The following CPLANE1 variants were observed in gnomAD, a reference collection of about 807,000 sequenced individuals.
The protein encoded by CPLANE1 is ciliogenesis and planar polarity effector complex subunit 1, also known as ciliogenesis and planar polarity effector 1.
A neutral mutation model predicts 362.5 loss-of-function variants in CPLANE1; 263 were observed. The ratio of observed to expected loss-of-function variants is 0.73; its 90% CI spans 0.66 to 0.80. CPLANE1 has a LOEUF of 0.80. Among genes scored for constraint, CPLANE1 ranks in the 30% least tolerant of loss-of-function variants. The pLI, the probability that CPLANE1 is intolerant of heterozygous loss-of-function variation, is 0.00. For synonymous variants in CPLANE1, 1,212 were observed against 1,302.6 expected (o/e 0.93, Z 1.50); for missense variants, 3,461 against 3,793.4 (o/e 0.91, Z 2.30).
intron 40 of CPLANE1, 117 bp downstream of exon 40, chr5:37,157,553 A>C: frequency 8.9e-7 from 1 of 1,121,580 alleles, no homozygotes; most frequent in Admixed American, 2.0e-5. Context: ...GTGCATGTAA[A>C]CATCCAAAAA....
intron 32 of CPLANE1, among the ~76,000 whole-genome samples, chr5:37,171,745 ACTCT>A (rs56407367): frequency 0.075 from 9,650 of 128,232 alleles, 676 homozygotes; most frequent in African/African-American, 0.21. Flanking sequence ...TCTCTAGCTT[ACTCT>A]CTCTCTCTCT....
Position 37,185,076 on chromosome 5 carries a change from G to A in CPLANE1, c.4193C>T (p.Pro1398Leu), listed in dbSNP as rs1478531273. 8 of 1,594,416 alleles carry A rather than the reference G, an allele frequency of 5.0e-6. No individual in the cohort carries two copies. The highest frequency in any genetic ancestry group is 6.8e-6 in the Non-Finnish European group (8 of 1,174,178). Reference sequence around the variant, plus strand: ...AACAGACATCATTTCCTCAGTCTGGGGTCCTGGAAAGAAAAGAATAAAAAG... The same window carrying A: ...AACAGACATCATTTCCTCAGTCTGGAGTCCTGGAAAGAAAAGAATAAAAAG... ...QRLRHCVVKG[P>L]QTEEMMSVVM... Residue 1398 changes from proline (P) to leucine (L), a missense_variant, in exon 25 of 53, where the codon CCC becomes CTC. Around this residue, in one of 2 missense-constraint regions of CPLANE1, gnomAD observed 3,380 missense variants for 3,666.1 expected, o/e 0.92. Coordinates refer to ENST00000651892, the MANE Select transcript of CPLANE1 (RefSeq NM_001384732.1).
Position 37,210,924 on chromosome 5 carries a change from T to C in CPLANE1, c.2920+2635A>G, listed in dbSNP as rs576311232. ...AGATGAAATTGAGCATACTACACAGTTGAAGGCCCAGATACTAGGTTACAA... is the reference window on the plus strand; with the variant it reads ...AGATGAAATTGAGCATACTACACAGCTGAAGGCCCAGATACTAGGTTACAA... On this transcript the variant is annotated intron_variant, in intron 16 of 52. Transcript: ENST00000651892. 80 of 780,442 alleles carry C rather than the reference T, an allele frequency of 1.0e-4. No homozygotes were observed. In the East Asian group the frequency reaches 1.8e-3, roughly 18 times the overall value. The allele number at this position is 780,442 out of a possible 1,614,324, so 48.3% of individuals were successfully genotyped here. A position where few individuals can be genotyped will look rare whatever the true frequency, so the allele number is the denominator to read the frequency against.
intron 46 of CPLANE1, among the ~76,000 whole-genome samples, chr5:37,137,852 G>A (rs1181428977): frequency 6.6e-6 from 1 of 151,676 alleles, no homozygotes; most frequent in African/African-American, 2.4e-5. Context: ...GGAATTATGG[G>A]AACTACAATT....
At chr5:37,125,800 T>C (rs1385644607) in intron 46 of CPLANE1, among the ~76,000 whole-genome samples, 1 of 152,200 alleles carries the variant, frequency 6.6e-6, no homozygotes, top group Non-Finnish European at 1.5e-5. Context: ...TGTGGGTACA[T>C]AGTAGATGTA....
rs541921016 is a variant in CPLANE1 at position 37,153,750 on chromosome 5, T to C, written c.8363A>G (p.His2788Arg). The C allele has an allele frequency of 3.1e-6, 5 of 1,611,482 alleles. No individual in the cohort carries two copies. Among genetic ancestry groups the C allele is most frequent in the Non-Finnish European group, 4.2e-6 (5 of 1,177,760 alleles). ...ATAAAGGTAGTCTACCTTATCACAA[T>C]GTAGATCTAGCATTTCAGGCTTGGG... ...DFPKPEMLDL[H>R]CDKIGPVDHI... Residue 2788 changes from histidine (H) to arginine (R), a missense_variant, in exon 42 of 53, where the codon CAT (histidine) becomes CGT (arginine). Coordinates refer to ENST00000651892, the MANE Select transcript of CPLANE1 (RefSeq NM_001384732.1).
chr5:37,227,873 C>T (rs1796794876), intron 9 of CPLANE1, 56 bp from the exon 10 acceptor site: 3 of 1,440,194 alleles, frequency 2.1e-6, no homozygotes, highest in Non-Finnish European at 2.8e-6. Context: ...TTACGGAAAA[C>T]AATAATGTTT....
intron 2 of CPLANE1, chr5:37,246,061 C>T: frequency 3.0e-6 from 1 of 331,262 alleles, no homozygotes; most frequent in East Asian, 4.9e-5. Context: ...GTAAGGCTAC[C>T]TAGTAGTTGT....
At chr5:37,125,015 TGGGGGACAAGAAA>T in intron 47 of CPLANE1, 1 of 1,290,786 alleles carries the variant, frequency 7.7e-7, no homozygotes, top group Non-Finnish European at 9.8e-7. Flanking sequence ...ATCATTAGCC[TGGGGGACAAGAAA>T]ATATTTAAGA....
At chr5:37,222,010 G>C (rs936258325) in intron 14 of CPLANE1, among the ~76,000 whole-genome samples, 1 of 151,782 alleles carries the variant, frequency 6.6e-6, no homozygotes, top group African/African-American at 2.4e-5. Flanking sequence ...TATATCAAAG[G>C]GATGGCCAAA....
chr5:37,131,308 G>C (rs1765718308), intron 46 of CPLANE1, among the ~76,000 whole-genome samples: 1 of 152,112 alleles, frequency 6.6e-6, no homozygotes, highest in Non-Finnish European at 1.5e-5. Context: ...TGAACTCAGT[G>C]ATTCCCTCTG....
At chr5:37,220,814 C>T (rs941807304) in intron 15 of CPLANE1, among the ~76,000 whole-genome samples, 3 of 152,140 alleles carry the variant, frequency 2.0e-5, no homozygotes, top group Admixed American at 1.3e-4. Context: ...CCACTGTGCC[C>T]GGCCCAGATT....
intron 41 of CPLANE1, among the ~76,000 whole-genome samples, chr5:37,155,976 G>A (rs1280902164): frequency 6.6e-6 from 1 of 152,138 alleles, no homozygotes; most frequent in Non-Finnish European, 1.5e-5. Context: ...ATGCATCTTA[G>A]CAGCCCCATG....
In CPLANE1 at chr5:37,157,338, T is replaced by C. The variant is rs776137500; in HGVS notation, c.8094A>G (p.Thr2698=). 1 of 1,378,200 alleles carries C rather than the reference T, an allele frequency of 7.3e-7. No individual in the cohort carries two copies. Among genetic ancestry groups the C allele is most frequent in the Non-Finnish European group, 9.6e-7 (1 of 1,039,214 alleles). The allele number at this position is 1,378,200 out of a possible 1,614,324, so 85.4% of individuals were successfully genotyped here. The change falls in exon 41 of 53, where the codon ACA becomes ACG. Residue 2698 remains threonine (T), a synonymous_variant. Transcript: ENST00000651892. Reference sequence around the variant, plus strand: ...CTTTGTTCTGCTGTATGTCTGATGGTGTAGGTGAGGTGACACTAGGCTCCT... The same window carrying C: ...CTTTGTTCTGCTGTATGTCTGATGGCGTAGGTGAGGTGACACTAGGCTCCT... ...EVKEPSVTSP[T]PSDIQQNKGL... is the part of the protein sequence containing the mutation.
chr5:37,076,793 T>C, the CPLANE1 span, among the ~76,000 whole-genome samples: 2 of 150,200 alleles, frequency 1.3e-5, no homozygotes, highest in African/African-American at 4.9e-5. Context: ...CTATTTAATT[T>C]GGATTTTCCC....
chr5:37,149,560 A>G (rs184294284), intron 42 of CPLANE1, among the ~76,000 whole-genome samples: 2 of 152,302 alleles, frequency 1.3e-5, no homozygotes, highest in African/African-American at 2.4e-5. Flanking sequence ...CCGACTGTAT[A>G]CTATGTTTTT....
At chr5:37,132,047 T>G (rs1050821235) in intron 46 of CPLANE1, among the ~76,000 whole-genome samples, 1 of 152,162 alleles carries the variant, frequency 6.6e-6, no homozygotes, top group Non-Finnish European at 1.5e-5. Flanking sequence ...GGTAACTAAA[T>G]GCATTAGTTT....
chr5:37,244,450 T>C lies in CPLANE1; in HGVS notation c.495A>G (p.Ile165Met). 1 of 1,551,642 alleles carries C rather than the reference T, an allele frequency of 6.4e-7. No homozygotes were observed. Among genetic ancestry groups the C allele is most frequent in the South Asian group, 1.2e-5 (1 of 84,042 alleles). The change falls in exon 5 of 53, where the codon ATA (isoleucine) becomes ATG (methionine). Residue 165 changes from isoleucine (I) to methionine (M), a missense_variant. By Grantham distance (10) the Ile-to-Met change is conservative (BLOSUM62 1). This residue lies in a region of CPLANE1 where 3,380 missense variants were observed against 3,666.1 expected (regional missense o/e 0.92). Transcript: ENST00000651892. ...LSLAGRWSQVIPEEAVLLPST... is the reference protein window; with the variant it reads ...LSLAGRWSQVMPEEAVLLPST... ...AAGGCAAGAGAACTGCTTCTTCAGG[T>C]ATGACCTGGGACCACCGACCCGCCA...
At position 37,247,670 on chromosome 5, in the gene CPLANE1, G is replaced by A; in HGVS notation, c.29C>T (p.Ser10Leu). ...TGGTTTTTTCTGCTTAATACCTGTT[G>A]ATGTCAAGATTTCTAATCTTATCTC... is the stretch of plus-strand genomic sequence containing the variant. Reference protein sequence around the residue: MEIRLEILTSTGIKQKKPWP... With the variant: MEIRLEILTLTGIKQKKPWP... The change falls in exon 2 of 53, where the codon TCA becomes TTA. Residue 10 changes from serine (S) to leucine (L), a missense_variant. By Grantham distance (145) the Ser-to-Leu change is moderately radical (BLOSUM62 -2). Around this residue, in one of 2 missense-constraint regions of CPLANE1, gnomAD observed 3,380 missense variants for 3,666.1 expected, o/e 0.92. Coordinates refer to ENST00000651892, the MANE Select transcript of CPLANE1 (RefSeq NM_001384732.1). The A allele has an allele frequency of 6.4e-7, 1 of 1,550,936 alleles. No homozygotes were observed. The highest frequency in any genetic ancestry group is 8.7e-7 in the Non-Finnish European group (1 of 1,146,366).
Sources: gnomAD v4.1 joint callset for allele counts (sites outside exome capture counted in the v4.1 genomes callset) on GRCh38, gnomAD v4.1.1 for gene constraint, gnomAD v4.1.1 regional missense constraint, MANE v1.5 for transcripts, NCBI Gene and HGNC (gene_info 2026-07-23, HGNC 2026-07-21) for gene names.